ARHGAP21: variants seen among roughly 807,000 people sequenced by gnomAD.
ARHGAP21 encodes rho GTPase-activating protein 21.
ARHGAP21 carries 38 observed loss-of-function variants against 164.6 expected under a neutral mutation model. The ratio of observed to expected loss-of-function variants is 0.23; its 90% CI spans 0.18 to 0.30. The LOEUF is 0.30. Among genes scored for constraint, ARHGAP21 ranks in the 10% least tolerant of loss-of-function variants. The pLI, the probability that ARHGAP21 is intolerant of heterozygous loss-of-function variation, is 1.00. For synonymous variants in ARHGAP21, 766 were observed against 857.9 expected (o/e 0.89, Z 1.87); for missense variants, 1,822 against 2,370.7 (o/e 0.77, Z 4.81).
Position 24,621,040 on chromosome 10 carries a change from T to C in ARHGAP21, c.855A>G (p.Leu285=). The change falls in exon 9 of 26, where the codon TTA becomes TTG. Residue 285 remains leucine, a synonymous_variant. Coordinates refer to ENST00000396432, the MANE Select transcript of ARHGAP21 (RefSeq NM_020824.4). ...IVPSEKVVDL[L]SNRNNHTGPS... ...GACCTGTATGGTTGTTTCTATTGGA[T>C]AACAAATCTACAACCTTCTCAGAAG... The C allele has an allele frequency of 6.2e-7, 1 of 1,614,018 alleles. No homozygotes were observed. Among genetic ancestry groups the C allele is most frequent in the Non-Finnish European group, 8.5e-7 (1 of 1,179,870 alleles).
At chr10:24,681,435 G>A (rs1011526045) in intron 2 of ARHGAP21, among the ~76,000 whole-genome samples, 3 of 152,174 alleles carry the variant, frequency 2.0e-5, no homozygotes, top group African/African-American at 7.2e-5. Flanking sequence ...AAGAGTGCCT[G>A]TATAAACAAT....
intron 2 of ARHGAP21, among the ~76,000 whole-genome samples, chr10:24,720,668 T>C (rs1013422800): frequency 6.6e-6 from 1 of 152,248 alleles, no homozygotes; most frequent in African/African-American, 2.4e-5. Context: ...GCTTGCTTTA[T>C]GAACCAAAAT....
At chr10:24,655,542 G>T (rs977853762) in intron 4 of ARHGAP21, among the ~76,000 whole-genome samples, 1 of 152,214 alleles carries the variant, frequency 6.6e-6, no homozygotes, top group African/African-American at 2.4e-5. Context: ...GCGGCTGGAG[G>T]AGCGGACGGG....
chr10:24,602,438 C>A lies in ARHGAP21; in HGVS notation c.2722-335G>T, dbSNP rs12572978. On this transcript the variant is annotated intron_variant, in intron 12 of 25. Transcript: ENST00000396432. The stretch of plus-strand genomic sequence containing the variant: ...ACGAATGGCTGAGAAGCAGCTAGAA[C>A]CTGGTGATGAGGTGGCAGGGCTACT... 1.6e-3 allele frequency among the ~76,000 whole-genome samples: 238 copies of A among 152,078 alleles called. 5 individuals carry two copies. The East Asian group carries it at 0.038, about 24-fold the overall frequency.
At chr10:24,602,365 C>T (rs778219229) in intron 12 of ARHGAP21, among the ~76,000 whole-genome samples, 11 of 151,848 alleles carry the variant, frequency 7.2e-5, no homozygotes, top group Middle Eastern at 3.2e-3. Flanking sequence ...GAAAATGATC[C>T]GTTTGTGATT....
intron 11 of ARHGAP21, among the ~76,000 whole-genome samples, chr10:24,606,374 A>G (rs1461691833): frequency 1.3e-5 from 2 of 152,218 alleles, no homozygotes; most frequent in Admixed American, 1.3e-4. Flanking sequence ...GTCAAAAAAT[A>G]TAAAAAATCA....
At chr10:24,700,701 A>G (rs1241014162) in intron 2 of ARHGAP21, among the ~76,000 whole-genome samples, 1 of 152,236 alleles carries the variant, frequency 6.6e-6, no homozygotes, top group African/African-American at 2.4e-5. Context: ...TGGTAACACC[A>G]TAATACTTTG....
intron 14 of ARHGAP21, among the ~76,000 whole-genome samples, chr10:24,600,401 A>G (rs2076766701): frequency 6.6e-6 from 1 of 152,188 alleles, no homozygotes. Context: ...AATGTAGTTC[A>G]TTGCTTCTGA....
chr10:24,624,336 A>ATTTTTTTTT (rs1565043586), intron 7 of ARHGAP21, among the ~76,000 whole-genome samples: 2 of 84,174 alleles, frequency 2.4e-5, no homozygotes, highest in African/African-American at 9.8e-5. Flanking sequence ...CTGTTCTAGA[A>ATTTTTTTTT]CTTTTTTTTT....
intron 2 of ARHGAP21, among the ~76,000 whole-genome samples, chr10:24,690,843 T>TATATATATATACAC (rs1429286549): frequency 2.0e-5 from 3 of 149,640 alleles, no homozygotes; most frequent in East Asian, 3.9e-4. Context: ...AAAAAATATA[T>TATATATATATACAC]ATATATATAT....
Position 24,584,078 on chromosome 10 carries a change from CTT to C in ARHGAP21, c.*332_*333del. The C allele has an allele frequency of 6.5e-6, 1 of 154,654 alleles. No individual in the cohort carries two copies. The highest frequency in any genetic ancestry group is 1.9e-4 in the East Asian group (1 of 5,266). The allele number at this position is 154,654 out of a possible 1,614,324, so 9.6% of individuals were successfully genotyped here. On this transcript the variant is annotated 3_prime_UTR_variant, in exon 26 of 26. Transcript: ENST00000396432. ...CCAACTGTATTTTTATGATGAGGCA[CTT>C]TTGTTAGTGATGAAACCAAAAGAAC...
intron 4 of ARHGAP21, among the ~76,000 whole-genome samples, chr10:24,664,572 ATAAT>A (rs1317343832): frequency 1.3e-4 from 20 of 151,208 alleles, no homozygotes; most frequent in African/African-American, 4.6e-4. Context: ...AAAAATAATA[ATAAT>A]AATAATAATA....
intron 4 of ARHGAP21, among the ~76,000 whole-genome samples, chr10:24,660,850 A>G (rs1839611683): frequency 6.6e-6 from 1 of 152,186 alleles, no homozygotes; most frequent in African/African-American, 2.4e-5. Context: ...CTTAATCAAA[A>G]TTGACATATG....
rs759311460 is a variant in ARHGAP21 at position 24,585,334 on chromosome 10, C to A, written c.4955G>T (p.Arg1652Met). 1.2e-6 allele frequency: 2 copies of A among 1,613,226 alleles called. No individual in the cohort carries two copies. The highest frequency in any genetic ancestry group is 2.2e-5 in the South Asian group (2 of 91,078). The change falls in exon 26 of 26, where the codon AGG becomes ATG. Residue 1652 changes from arginine to methionine, a missense_variant. This residue lies in a region of ARHGAP21 where 333 missense variants were observed against 383.9 expected (regional missense o/e 0.87). Transcript: ENST00000396432. Reference sequence around the variant, plus strand: ...TTCTTGCAGTTTTCCTCGGAAAAGCCTCTCTGAAGTCAAGGCTGTGGGGAA... The same window carrying A: ...TTCTTGCAGTTTTCCTCGGAAAAGCATCTCTGAAGTCAAGGCTGTGGGGAA... Reference protein sequence around the residue: ...PVFPTALTSERLFRGKLQEVT... With the variant: ...PVFPTALTSEMLFRGKLQEVT...
At chr10:24,723,409 G>C (rs1284537391) in intron 1 of ARHGAP21, among the ~76,000 whole-genome samples, 153 bp downstream of exon 1, 7 of 146,204 alleles carry the variant, frequency 4.8e-5, no homozygotes, top group Non-Finnish European at 9.1e-5. Flanking sequence ...CGCCCCCGCC[G>C]GGCGCCCGCC....
At chr10:24,718,294 A>C (rs940215329) in intron 2 of ARHGAP21, among the ~76,000 whole-genome samples, 1 of 152,210 alleles carries the variant, frequency 6.6e-6, no homozygotes, top group African/African-American at 2.4e-5. Flanking sequence ...TGAGTTTGCA[A>C]TGCCTGGGGA....
intron 11 of ARHGAP21, among the ~76,000 whole-genome samples, chr10:24,606,763 C>T (rs748976769): frequency 6.6e-6 from 1 of 152,128 alleles, no homozygotes; most frequent in African/African-American, 2.4e-5. Flanking sequence ...ATCGCTTGAA[C>T]CCGGGAGGTG....
chr10:24,692,314 G>A (rs553059954), intron 2 of ARHGAP21, among the ~76,000 whole-genome samples: 3 of 152,316 alleles, frequency 2.0e-5, no homozygotes, highest in African/African-American at 7.2e-5. Flanking sequence ...GATACCTATA[G>A]GCATGGAGTC....
intron 4 of ARHGAP21, among the ~76,000 whole-genome samples, chr10:24,635,314 C>T (rs1017621324): frequency 2.0e-5 from 3 of 152,174 alleles, no homozygotes; most frequent in Admixed American, 6.5e-5. Flanking sequence ...ACAACCACAA[C>T]ACTGTAATGC....
Sources: allele counts gnomAD v4.1 joint callset (sites outside exome capture counted in the v4.1 genomes callset), GRCh38; gene constraint gnomAD v4.1.1; regional missense constraint gnomAD v4.1.1; transcripts MANE v1.5; gene names NCBI Gene and HGNC (gene_info 2026-07-23, HGNC 2026-07-21).